ABCC12: variants seen among roughly 807,000 people sequenced by gnomAD.
The protein encoded by ABCC12 is ATP binding cassette subfamily C member 12.
A neutral mutation model predicts 151.1 loss-of-function variants in ABCC12; 142 were observed. The observed-to-expected ratio is 0.94, with a 90% confidence interval of 0.82 to 1.08. ABCC12 has a LOEUF of 1.08. Among genes scored for constraint, ABCC12 ranks in the 50% least tolerant of loss-of-function variants. The pLI is 0.00. For missense variants in ABCC12, 1,638 were observed against 1,691.1 expected (o/e 0.97, Z 0.55); for synonymous variants, 645 against 646.4 (o/e 1.00, Z 0.03).
Position 48,121,868 on chromosome 16 carries a change from A to G in ABCC12, c.1588-28T>C, listed in dbSNP as rs902541245. Reference sequence around the variant, plus strand: ...GGAACAACAAGACGGGAGAAGCTTCAGGAGCCAAGCCTTGAGAACTTTTCC... The same window carrying G: ...GGAACAACAAGACGGGAGAAGCTTCGGGAGCCAAGCCTTGAGAACTTTTCC... On this transcript the variant is annotated intron_variant, in intron 12 of 30. Coordinates refer to ENST00000311303, the MANE Select transcript of ABCC12 (RefSeq NM_001393797.1). The G allele has an allele frequency of 3.1e-6, 5 of 1,613,548 alleles. 1 individual carries two copies. In the East Asian group the frequency reaches 1.1e-4, roughly 36 times the overall value.
intron 18 of ABCC12, among the ~76,000 whole-genome samples, chr16:48,110,630 C>T (rs1311211917): frequency 1.3e-5 from 2 of 152,106 alleles, no homozygotes; most frequent in Non-Finnish European, 2.9e-5. Flanking sequence ...CGTCTCCCCA[C>T]CTCCCTGGAA....
intron 8 of ABCC12, among the ~76,000 whole-genome samples, chr16:48,136,026 C>T (rs1006915415): frequency 6.6e-6 from 1 of 152,202 alleles, no homozygotes; most frequent in African/African-American, 2.4e-5. Context: ...ATCGTCCTCA[C>T]CACTGCATGA....
chr16:48,146,552 A>G (rs1567459162), intron 2 of ABCC12, 78 bp from the exon 3 acceptor site: 2 of 729,616 alleles, frequency 2.7e-6, no homozygotes, highest in East Asian at 5.0e-5. Context: ...CTTTACCCAG[A>G]TCAGTTCCTT....
intron 24 of ABCC12, among the ~76,000 whole-genome samples, chr16:48,095,552 T>C (rs896730914): frequency 6.6e-6 from 1 of 152,022 alleles, no homozygotes; most frequent in African/African-American, 2.4e-5. Flanking sequence ...GAATATATGA[T>C]TGCCAAATTT....
chr16:48,099,901 G>A (rs1355869831), intron 23 of ABCC12, among the ~76,000 whole-genome samples: 1 of 151,912 alleles, frequency 6.6e-6, no homozygotes, highest in Non-Finnish European at 1.5e-5. Context: ...TTTATTGCAT[G>A]ATCTCCCTAA....
chr16:48,119,803 A>G (rs1190925066), intron 13 of ABCC12, among the ~76,000 whole-genome samples: 1 of 152,230 alleles, frequency 6.6e-6, no homozygotes, highest in Non-Finnish European at 1.5e-5. Flanking sequence ...TGAGTGACCC[A>G]GCTGTCAGGC....
At chr16:48,144,535 G>A (rs1032472086) in intron 3 of ABCC12, among the ~76,000 whole-genome samples, 6 of 151,874 alleles carry the variant, frequency 4.0e-5, no homozygotes, top group African/African-American at 1.5e-4. Flanking sequence ...ACTTCACTAA[G>A]GTAGTATAGA....
chr16:48,107,692 CA>C (rs1288516559), intron 19 of ABCC12, among the ~76,000 whole-genome samples: 1 of 152,140 alleles, frequency 6.6e-6, no homozygotes, highest in Non-Finnish European at 1.5e-5. Context: ...AGAAGTGACT[CA>C]ATATTCTTTT....
chr16:48,153,341 A>C (rs1311071689), intron 2 of ABCC12, among the ~76,000 whole-genome samples: 1 of 152,228 alleles, frequency 6.6e-6, no homozygotes, highest in Admixed American at 6.5e-5. Context: ...ATTACAAAAT[A>C]AAAAGTTAAG....
chr16:48,148,383 T>A (rs1300310080), intron 2 of ABCC12, among the ~76,000 whole-genome samples: 1 of 151,954 alleles, frequency 6.6e-6, no homozygotes, highest in Non-Finnish European at 1.5e-5. Flanking sequence ...ACTACAGGCG[T>A]GCACCACCAT....
At chr16:48,132,515 TTC>T (rs546494578) in intron 9 of ABCC12, among the ~76,000 whole-genome samples, 1 of 151,618 alleles carries the variant, frequency 6.6e-6, no homozygotes. Context: ...GCTTATTTCC[TTC>T]TCTCTCTCTC....
At chr16:48,155,380 A>C (rs1965170986) in intron 1 of ABCC12, among the ~76,000 whole-genome samples, 1 of 151,740 alleles carries the variant, frequency 6.6e-6, no homozygotes, top group Non-Finnish European at 1.5e-5. Context: ...AAAAGTTAAA[A>C]AAAAAAAAAA....
chr16:48,147,135 G>A (rs957428301), intron 2 of ABCC12, among the ~76,000 whole-genome samples: 2 of 152,062 alleles, frequency 1.3e-5, no homozygotes, highest in African/African-American at 4.8e-5. Context: ...CCACACTTCT[G>A]TGACTGCTGC....
At chr16:48,121,082 C>A (rs1471279523) in intron 13 of ABCC12, among the ~76,000 whole-genome samples, 2 of 151,986 alleles carry the variant, frequency 1.3e-5, no homozygotes, top group Non-Finnish European at 2.9e-5. Flanking sequence ...AAACTTTGTA[C>A]CCTTTGGTCA....
rs765542520 is a variant in ABCC12, at chr16:48,139,294, C to G, written c.700G>C (p.Ala234Pro). Reference sequence around the variant, plus strand: ...GCTGGCAAAGGACAAAACAAGGCAGCTTCAAACAAAGAATAGCTATCACTT... The same window carrying G: ...GCTGGCAAAGGACAAAACAAGGCAGGTTCAAACAAAGAATAGCTATCACTT... ...LSSDSYSLFE[A>P]ALFCPLPATI... Residue 234 changes from alanine to proline, a missense_variant, in exon 7 of 31, where the codon GCT becomes CCT. Transcript: ENST00000311303. 6.2e-7 allele frequency: 1 copy of G among 1,613,736 alleles called. No homozygotes were observed. Among genetic ancestry groups the G allele is most frequent in the Non-Finnish European group, 8.5e-7 (1 of 1,179,910 alleles).
intron 12 of ABCC12, among the ~76,000 whole-genome samples, chr16:48,122,883 A>G (rs1245052119): frequency 6.6e-6 from 1 of 152,096 alleles, no homozygotes; most frequent in Non-Finnish European, 1.5e-5. Context: ...CCTCACCACA[A>G]CTCTCCTTAG....
At chr16:48,123,427 A>G (rs1964137365) in intron 12 of ABCC12, among the ~76,000 whole-genome samples, 1 of 152,118 alleles carries the variant, frequency 6.6e-6, no homozygotes, top group East Asian at 1.9e-4. Context: ...AGATGAGTCA[A>G]CTGAGGCCAA....
intron 8 of ABCC12, 68 bp downstream of exon 8, chr16:48,138,160 G>T: frequency 6.7e-7 from 1 of 1,483,298 alleles, no homozygotes; most frequent in Non-Finnish European, 9.0e-7. Flanking sequence ...CCTGGGAACC[G>T]TAAGAACCCC....
At chr16:48,116,767 G>C (rs1329750650) in intron 14 of ABCC12, among the ~76,000 whole-genome samples, 2 of 152,228 alleles carry the variant, frequency 1.3e-5, no homozygotes, top group Non-Finnish European at 2.9e-5. Flanking sequence ...GCACAAGAAG[G>C]GTGGGGACCC....
Sources: allele counts gnomAD v4.1 joint callset (sites outside exome capture counted in the v4.1 genomes callset), GRCh38; gene constraint gnomAD v4.1.1; transcripts MANE v1.5; gene names NCBI Gene and HGNC (gene_info 2026-07-23, HGNC 2026-07-21).